BTD: variants seen among roughly 807,000 people sequenced by gnomAD.
The protein encoded by BTD is biotinidase.
Under a neutral mutation model 17.7 loss-of-function variants are expected in BTD, and 13 were observed. The ratio of observed to expected loss-of-function variants is 0.74; its 90% CI spans 0.48 to 1.17. BTD has a LOEUF of 1.17. BTD is among the 50% of genes most tolerant of loss of function. The probability of loss-of-function intolerance (pLI) is 0.00; values close to 1 mark genes in which losing one functional copy is unlikely to be tolerated. For synonymous variants in BTD, 240 were observed against 245.2 expected (o/e 0.98, Z 0.20); for missense variants, 674 against 650.4 (o/e 1.04, Z -0.39).
At chr3:15,715,644 T>C (rs1331302884), downstream of BTD, among the ~76,000 whole-genome samples, 1 of 152,192 alleles carries the variant, frequency 6.6e-6, no homozygotes, top group African/African-American at 2.4e-5. Context: ...TAAGCATGAA[T>C]CTCAGATCTC....
chr3:15,708,208 G>T, intron 3 of BTD: 1 of 909,094 alleles, frequency 1.1e-6, no homozygotes, highest in Non-Finnish European at 1.6e-6. Context: ...TCTTGCGGAG[G>T]ACTGGACATA....
intron 3 of BTD, among the ~76,000 whole-genome samples, chr3:15,663,773 GTTGT>G (rs970929104): frequency 3.3e-5 from 5 of 151,382 alleles, no homozygotes; most frequent in African/African-American, 7.3e-5. Context: ...TCTTGATTTT[GTTGT>G]TTCTCTACTG....
At chr3:15,675,876 A>G in intron 3 of BTD, 1 of 1,569,038 alleles carries the variant, frequency 6.4e-7, no homozygotes, top group Non-Finnish European at 8.7e-7. Context: ...GGTTAAGGGA[A>G]GAGAATATAG....
intron 3 of BTD, among the ~76,000 whole-genome samples, chr3:15,682,590 A>G (rs1450202199): frequency 6.6e-6 from 1 of 152,246 alleles, no homozygotes; most frequent in Non-Finnish European, 1.5e-5. Context: ...ATGACTATAT[A>G]AACTGAAATT....
In BTD at chr3:15,644,521, A is replaced by G. The variant is rs1321894600; in HGVS notation, c.605A>G (p.Asp202Gly). 2 of 1,613,956 alleles carry G rather than the reference A, an allele frequency of 1.2e-6. No individual in the cohort carries two copies. Among genetic ancestry groups the G allele is most frequent in the African/African-American group, 2.7e-5 (2 of 74,882 alleles). Residue 202 changes from aspartate to glycine, a missense_variant, in exon 4 of 4, where the codon GAT becomes GGT. Physicochemically the swap from Asp to Gly is moderately conservative, Grantham distance 94. Coordinates refer to ENST00000643237, the MANE Select transcript of BTD (RefSeq NM_001370658.1). ...AACCTCTACTTTGAGGCAGCATTCGATGTTCCTCTTAAAGTGGATCTCATC... is the reference window on the plus strand; with the variant it reads ...AACCTCTACTTTGAGGCAGCATTCGGTGTTCCTCTTAAAGTGGATCTCATC... ...KHNLYFEAAF[D>G]VPLKVDLITF... is the part of the protein sequence containing the mutation.
At chr3:15,685,190 T>C (rs769664763) in intron 3 of BTD, 20 of 1,585,480 alleles carry the variant, frequency 1.3e-5, no homozygotes, top group Non-Finnish European at 1.7e-5. Flanking sequence ...CTCTGTTCAC[T>C]ACACAATGAT....
intron 3 of BTD, among the ~76,000 whole-genome samples, chr3:15,680,030 C>T (rs893762410): frequency 5.3e-5 from 8 of 152,034 alleles, no homozygotes; most frequent in Admixed American, 2.0e-4. Context: ...GGGACTTGAG[C>T]GCCTGTTGGT....
chr3:15,618,072 C>G (rs1332606607), intron 1 of BTD, among the ~76,000 whole-genome samples: 1 of 152,248 alleles, frequency 6.6e-6, no homozygotes, highest in African/African-American at 2.4e-5. Context: ...CTTCCCACTT[C>G]CATCTGCTGA....
chr3:15,638,107 C>A (rs1332561949), intron 2 of BTD, among the ~76,000 whole-genome samples: 1 of 152,092 alleles, frequency 6.6e-6, no homozygotes, highest in East Asian at 1.9e-4. Flanking sequence ...AGTAGAAAAC[C>A]AAAATTTGTT....
At chr3:15,658,587 A>T (rs936100109), downstream of BTD, among the ~76,000 whole-genome samples, 1 of 152,034 alleles carries the variant, frequency 6.6e-6, no homozygotes, top group Non-Finnish European at 1.5e-5. Context: ...AAGATCCCCT[A>T]ACAACACAGA....
chr3:15,656,658 T>C (rs1250420949), downstream of BTD, among the ~76,000 whole-genome samples: 1 of 152,188 alleles, frequency 6.6e-6, no homozygotes, highest in Non-Finnish European at 1.5e-5. Flanking sequence ...GAATATTTTA[T>C]AAAACAAAAA....
At chr3:15,713,724 T>C (rs2072629691), downstream of BTD, 1 of 845,838 alleles carries the variant, frequency 1.2e-6, no homozygotes, top group Non-Finnish European at 1.8e-6. Context: ...TAAAAAATGC[T>C]GTTCACATAC....
At chr3:15,678,757 C>A (rs189587777) in intron 3 of BTD, among the ~76,000 whole-genome samples, 2 of 151,492 alleles carry the variant, frequency 1.3e-5, no homozygotes, top group African/African-American at 4.9e-5. Context: ...GAAACAAATT[C>A]GAAAGAGAGG....
chr3:15,669,874 C>G (rs1389862675), intron 3 of BTD: 3 of 163,926 alleles, frequency 1.8e-5, no homozygotes, highest in African/African-American at 7.2e-5. Flanking sequence ...CTGTACCAAA[C>G]TTTTATTGCC....
At chr3:15,692,731 A>G (rs375403640) in intron 3 of BTD, among the ~76,000 whole-genome samples, 1 of 152,222 alleles carries the variant, frequency 6.6e-6, no homozygotes, top group African/African-American at 2.4e-5. Context: ...TGAAATGCAA[A>G]AGTGGTGGTA....
At chr3:15,630,126 TAAA>T in intron 1 of BTD, 1 of 975,380 alleles carries the variant, frequency 1.0e-6, no homozygotes, top group Non-Finnish European at 1.2e-6. Context: ...GTGTGGTGAG[TAAA>T]AAACAGCTTT....
chr3:15,606,081 T>A (rs1388081586), intron 1 of BTD, among the ~76,000 whole-genome samples: 1 of 150,572 alleles, frequency 6.6e-6, no homozygotes, highest in Non-Finnish European at 1.5e-5. Flanking sequence ...TGAAATCATC[T>A]TTGCACTTTG....
intron 3 of BTD, among the ~76,000 whole-genome samples, chr3:15,698,714 C>G (rs1282104978): frequency 1.3e-5 from 2 of 152,136 alleles, no homozygotes; most frequent in Non-Finnish European, 2.9e-5. Flanking sequence ...GGCAGAACTA[C>G]AAACCACTGC....
At chr3:15,660,848 C>T (rs543416147) in intron 3 of BTD, among the ~76,000 whole-genome samples, 48 of 152,152 alleles carry the variant, frequency 3.2e-4, no homozygotes, top group Non-Finnish European at 6.6e-4. Context: ...TTCCAGCATG[C>T]CATATTAAAT....
Sources: gnomAD v4.1 joint callset for allele counts (sites outside exome capture counted in the v4.1 genomes callset) on GRCh38, gnomAD v4.1.1 for gene constraint, MANE v1.5 for transcripts, NCBI Gene and HGNC (gene_info 2026-07-23, HGNC 2026-07-21) for gene names.